FSD2: variants seen among roughly 807,000 people sequenced by gnomAD.
FSD2 encodes fibronectin type III and SPRY domain-containing protein 2.
FSD2 carries 71 observed loss-of-function variants against 80.4 expected under a neutral mutation model. The observed-to-expected ratio is 0.88, with a 90% confidence interval of 0.73 to 1.08. The LOEUF (loss-of-function observed/expected upper bound fraction) is 1.08. FSD2 is among the 50% of genes least tolerant of loss of function. FSD2 has a pLI of 0.00. For missense variants in FSD2, 923 were observed against 913.8 expected (o/e 1.01, Z -0.13); for synonymous variants, 361 against 329.5 (o/e 1.10, Z -1.03).
intron 1 of FSD2, 50 bp from the exon 2 acceptor site, chr15:82,787,518 G>A: frequency 1.2e-6 from 1 of 847,700 alleles, no homozygotes; most frequent in Non-Finnish European, 1.8e-6. Flanking sequence ...GGGCATTGCA[G>A]TAGATGATCA....
Position 82,759,161 on chromosome 15 carries a change from A to G in FSD2, c.*187T>C, listed in dbSNP as rs2049230402. 2 of 612,386 alleles carry G rather than the reference A, an allele frequency of 3.3e-6. No homozygotes were observed. The highest frequency in any genetic ancestry group is 5.7e-5 in the East Asian group (2 of 35,142). The allele number at this position is 612,386 out of a possible 1,614,324, so 37.9% of individuals were successfully genotyped here. A position where few individuals can be genotyped will look rare whatever the true frequency, so the allele number is the denominator to read the frequency against. ...GGTAATGACTATCCTAGCAGCACACAGGTAGCAGCACACAGGACTAGAATC... is the reference window on the plus strand; with the variant it reads ...GGTAATGACTATCCTAGCAGCACACGGGTAGCAGCACACAGGACTAGAATC... On this transcript the variant is annotated 3_prime_UTR_variant, in exon 13 of 13. Coordinates refer to ENST00000334574, the MANE Select transcript of FSD2 (RefSeq NM_001007122.4).
At chr15:82,804,441 T>G (rs776399590) in intron 1 of FSD2, among the ~76,000 whole-genome samples, 1 of 152,196 alleles carries the variant, frequency 6.6e-6, no homozygotes, top group African/African-American at 2.4e-5. Context: ...ATAGCCAATT[T>G]TCTTTTACAA....
At chr15:82,766,792 C>A (rs965298148) in intron 9 of FSD2, among the ~76,000 whole-genome samples, 1 of 150,988 alleles carries the variant, frequency 6.6e-6, no homozygotes, top group Non-Finnish European at 1.5e-5. Context: ...ACAATTCTGA[C>A]TAGAGCTGAA....
At chr15:82,772,300 G>T in intron 6 of FSD2, 72 bp from the exon 7 acceptor site, 1 of 1,446,358 alleles carries the variant, frequency 6.9e-7, no homozygotes, top group South Asian at 1.2e-5. Flanking sequence ...CCTTTCCCAT[G>T]ACCATTGATC....
At chr15:82,768,702 T>G (rs2049483898) in intron 9 of FSD2, among the ~76,000 whole-genome samples, 178 bp downstream of exon 9, 1 of 152,266 alleles carries the variant, frequency 6.6e-6, no homozygotes, top group Middle Eastern at 3.2e-3. Context: ...CATTCACTTG[T>G]CATTCACCTT....
chr15:82,786,388 G>A, intron 3 of FSD2, 123 bp downstream of exon 3: 1 of 725,014 alleles, frequency 1.4e-6, no homozygotes, highest in Non-Finnish European at 2.4e-6. Flanking sequence ...GGAGAGAAGG[G>A]GGAGTGGTGA....
chr15:82,772,785 C>G (rs1840618979), intron 6 of FSD2, among the ~76,000 whole-genome samples: 1 of 152,214 alleles, frequency 6.6e-6, no homozygotes, highest in South Asian at 2.1e-4. Context: ...TCTCCCCCAC[C>G]CCTATACAGT....
intron 4 of FSD2, among the ~76,000 whole-genome samples, chr15:82,782,466 C>T (rs2049889794): frequency 2.0e-5 from 3 of 152,262 alleles, no homozygotes; most frequent in Non-Finnish European, 4.4e-5. Flanking sequence ...GGTTTTTGCT[C>T]AGCTTAGCTC....
chr15:82,778,854 C>T lies in FSD2; in HGVS notation c.1023G>A (p.Val341=). The T allele has an allele frequency of 6.2e-7, 1 of 1,613,858 alleles. No individual in the cohort carries two copies. The highest frequency in any genetic ancestry group is 2.2e-5 in the East Asian group (1 of 44,870). The change falls in exon 6 of 13, where the codon GTG becomes GTA. Residue 341 remains valine, a synonymous_variant. Coordinates refer to ENST00000334574, the MANE Select transcript of FSD2 (RefSeq NM_001007122.4). ...CAAACTCAGGCTGTGCAGAGATTTCCACGTCTGTTTTTGTTTTCAGGAATT... is the reference window on the plus strand; with the variant it reads ...CAAACTCAGGCTGTGCAGAGATTTCTACGTCTGTTTTTGTTTTCAGGAATT... ...LGKFLKTKTD[V]EISAQPEFED...
chr15:82,790,186 AACG>A (rs1555480634), intron 1 of FSD2, among the ~76,000 whole-genome samples: 1 of 99,048 alleles, frequency 1.0e-5, no homozygotes, highest in South Asian at 2.9e-4. Context: ...AAACAACAAC[AACG>A]ACAACAACAA....
intron 3 of FSD2, among the ~76,000 whole-genome samples, chr15:82,783,503 GGTGCTGGAACATAGGT>G (rs1182676833): frequency 6.6e-6 from 1 of 152,178 alleles, no homozygotes; most frequent in Non-Finnish European, 1.5e-5. Context: ...GGAAACTGGA[GGTGCTGGAACATAGGT>G]GTCTCCGGCC....
At chr15:82,789,406 A>T (rs57612574) in intron 1 of FSD2, among the ~76,000 whole-genome samples, 20,330 of 151,782 alleles carry the variant, frequency 0.13, 1,481 homozygotes, top group East Asian at 0.24. Context: ...AGTAATAGCT[A>T]CTACTTCTTG....
At chr15:82,764,025 G>T (rs1426611477) in intron 11 of FSD2, among the ~76,000 whole-genome samples, 1 of 152,172 alleles carries the variant, frequency 6.6e-6, no homozygotes, top group Non-Finnish European at 1.5e-5. Context: ...TTTTCCATCA[G>T]GAGTTTTGCT....
rs544755499 is a variant in FSD2 at position 82,784,057 on chromosome 15, T to G, written c.736-1032A>C. 1.2e-3 allele frequency among the ~76,000 whole-genome samples: 176 copies of G among 152,192 alleles called. 1 individual carries two copies. Among genetic ancestry groups the G allele is most frequent in the Non-Finnish European group, 2.2e-3 (152 of 68,000 alleles). On this transcript the variant is annotated intron_variant, in intron 3 of 12. Coordinates refer to ENST00000334574, the MANE Select transcript of FSD2 (RefSeq NM_001007122.4). The stretch of plus-strand genomic sequence containing the variant: ...TTTCCAAGGAAGAGGATCTTATCAA[T>G]CATTCAGGGAGTAATTACTGAACAC...
chr15:82,782,944 T>G lies in FSD2; in HGVS notation c.817A>C (p.Lys273Gln). 6.2e-7 allele frequency: 1 copy of G among 1,613,998 alleles called. No individual in the cohort carries two copies. The highest frequency in any genetic ancestry group is 8.5e-7 in the Non-Finnish European group (1 of 1,179,898). Residue 273 changes from lysine to glutamine, a missense_variant, in exon 4 of 13, where the codon AAA becomes CAA. Lys to Gln is a moderately conservative substitution (Grantham distance 53). Coordinates refer to ENST00000334574, the MANE Select transcript of FSD2 (RefSeq NM_001007122.4). ...TTTTTCTCCCCTAGAGCTTGTATTT[T>G]TTCCTCATATTTTTGAGCAAGTGTT... ...LETLAQKYEEKIQALGEKKKE... is the reference protein window; with the variant it reads ...LETLAQKYEEQIQALGEKKKE...
chr15:82,777,102 C>T (rs987902771), intron 6 of FSD2, among the ~76,000 whole-genome samples: 1 of 152,022 alleles, frequency 6.6e-6, no homozygotes, highest in Non-Finnish European at 1.5e-5. Context: ...AATGTAAAAC[C>T]CTGAAACTGT....
Position 82,769,894 on chromosome 15 carries a change from A to C in FSD2, c.1268-10T>G. ...ACAGTCACTGTAAACTCTGGGGAAAAAAAAAGATAAGAATTCAACCCTAAA... is the reference window on the plus strand; with the variant it reads ...ACAGTCACTGTAAACTCTGGGGAAACAAAAAGATAAGAATTCAACCCTAAA... On this transcript the variant is annotated splice_polypyrimidine_tract_variant and intron_variant, in intron 7 of 12. Transcript: ENST00000334574. 1 of 1,613,232 alleles carries C rather than the reference A, an allele frequency of 6.2e-7. No individual in the cohort carries two copies.
intron 6 of FSD2, among the ~76,000 whole-genome samples, chr15:82,773,003 C>G (rs991299327): frequency 6.6e-6 from 1 of 152,180 alleles, no homozygotes; most frequent in Admixed American, 6.5e-5. Flanking sequence ...CACACCACCA[C>G]GCCCAGCTAG....
chr15:82,783,211 G>A (rs2049913942), intron 3 of FSD2, among the ~76,000 whole-genome samples, 186 bp from the exon 4 acceptor site: 1 of 152,120 alleles, frequency 6.6e-6, no homozygotes, highest in African/African-American at 2.4e-5. Context: ...TGATTCTCCT[G>A]CTTCAGGCTC....
Sources: gnomAD v4.1 joint callset for allele counts (sites outside exome capture counted in the v4.1 genomes callset) on GRCh38, gnomAD v4.1.1 for gene constraint, MANE v1.5 for transcripts, NCBI Gene and HGNC (gene_info 2026-07-23, HGNC 2026-07-21) for gene names.